The following FRY variants were observed in gnomAD, a reference collection of about 807,000 sequenced individuals.
FRY encodes protein furry homolog.
FRY carries 128 observed loss-of-function variants against 348.4 expected under a neutral mutation model. That is an observed-to-expected ratio of 0.37 (90% CI 0.32 to 0.43). The LOEUF is 0.43. Among genes scored for constraint, FRY ranks in the 20% least tolerant of loss-of-function variants. The pLI is 1.00. For missense variants in FRY, 2,736 were observed against 3,695.2 expected (o/e 0.74, Z 6.73); for synonymous variants, 1,370 against 1,374.7 (o/e 1.00, Z 0.08).
chr13:32,163,875 T>C (rs1248240907), intron 17 of FRY, among the ~76,000 whole-genome samples: 1 of 151,952 alleles, frequency 6.6e-6, no homozygotes, highest in Non-Finnish European at 1.5e-5. Context: ...ATGGATGCTG[T>C]TTTTTGTTTT....
intron 16 of FRY, among the ~76,000 whole-genome samples, chr13:32,159,609 A>G (rs935859444): frequency 6.6e-6 from 1 of 152,228 alleles, no homozygotes; most frequent in Non-Finnish European, 1.5e-5. Flanking sequence ...TGCAGTAGTA[A>G]GAGGAAATCA....
chr13:32,044,256 C>G (rs1872900394), intron 1 of FRY, among the ~76,000 whole-genome samples: 3 of 152,178 alleles, frequency 2.0e-5, no homozygotes, highest in Admixed American at 1.3e-4. Context: ...GTGGAAATAA[C>G]AGTATTTTCC....
chr13:32,289,871 A>G (rs1889245819), intron 59 of FRY, 128 bp downstream of exon 59: 1 of 698,754 alleles, frequency 1.4e-6, no homozygotes, highest in Non-Finnish European at 2.7e-6. Flanking sequence ...CTCAAACACA[A>G]TTCTGAAATA....
chr13:32,043,957 G>A (rs1872879820), intron 1 of FRY, among the ~76,000 whole-genome samples: 1 of 92,702 alleles, frequency 1.1e-5, no homozygotes, highest in East Asian at 2.4e-4. Flanking sequence ...TTCTTCAGGA[G>A]CCTGAAATGG....
intron 41 of FRY, among the ~76,000 whole-genome samples, chr13:32,232,380 C>A (rs1030349341): frequency 1.3e-5 from 2 of 152,132 alleles, no homozygotes; most frequent in Non-Finnish European, 2.9e-5. Context: ...CTGCTTTTGG[C>A]CTGTTTTCTC....
At chr13:32,061,159 G>A (rs1873921931) in intron 1 of FRY, 1 of 533,258 alleles carries the variant, frequency 1.9e-6, no homozygotes, top group African/African-American at 1.9e-5. Context: ...TCATAAAAGG[G>A]CTTGGTAGGT....
intron 11 of FRY, among the ~76,000 whole-genome samples, chr13:32,139,236 T>C (rs1879905374): frequency 6.6e-6 from 1 of 152,174 alleles, no homozygotes; most frequent in Admixed American, 6.5e-5. Context: ...TTCAAAGATA[T>C]ACTTTGTCTT....
chr13:32,096,497 G>A (rs1593607773), intron 2 of FRY, among the ~76,000 whole-genome samples: 1 of 152,212 alleles, frequency 6.6e-6, no homozygotes, highest in East Asian at 1.9e-4. Flanking sequence ...ATATGATTAA[G>A]ACAGTATATT....
At chr13:32,235,427 C>T (rs1249722438) in intron 42 of FRY, among the ~76,000 whole-genome samples, 1 of 152,216 alleles carries the variant, frequency 6.6e-6, no homozygotes, top group Non-Finnish European at 1.5e-5. Flanking sequence ...AGTTCAAGAT[C>T]AGGCTGGCCA....
intron 8 of FRY, 142 bp from the exon 9 acceptor site, chr13:32,134,762 C>A (rs1399755939): frequency 1.4e-6 from 1 of 726,670 alleles, no homozygotes; most frequent in Non-Finnish European, 2.5e-6. Flanking sequence ...ATGTTTGAAT[C>A]CAGTGATTTT....
intron 51 of FRY, among the ~76,000 whole-genome samples, chr13:32,255,989 G>A (rs1156309873): frequency 2.0e-5 from 3 of 152,146 alleles, no homozygotes; most frequent in Non-Finnish European, 2.9e-5. Context: ...TATGTGAAAC[G>A]ACCTAGCAGG....
intron 1 of FRY, among the ~76,000 whole-genome samples, chr13:32,059,574 C>T (rs74044370): frequency 0.011 from 1,708 of 150,806 alleles, 39 homozygotes; most frequent in African/African-American, 0.04. Context: ...TAGGGGTGCA[C>T]GTGCCGTTGT....
At chr13:32,069,106 G>A (rs1433720943) in intron 1 of FRY, among the ~76,000 whole-genome samples, 2 of 151,822 alleles carry the variant, frequency 1.3e-5, no homozygotes, top group South Asian at 2.1e-4. Context: ...TAGTAGAGAC[G>A]GGGTTTCACT....
At chr13:32,221,523 A>G (rs1423298483) in intron 36 of FRY, among the ~76,000 whole-genome samples, 1 of 152,056 alleles carries the variant, frequency 6.6e-6, no homozygotes, top group Non-Finnish European at 1.5e-5. Context: ...TATTTTTATT[A>G]TTGTTTTTGA....
intron 11 of FRY, among the ~76,000 whole-genome samples, chr13:32,141,434 A>G (rs1399632376): frequency 6.6e-6 from 1 of 152,244 alleles, no homozygotes; most frequent in East Asian, 1.9e-4. Flanking sequence ...TTGAAATGGA[A>G]GAGAAAACTG....
intron 57 of FRY, 37 bp from the exon 58 acceptor site, chr13:32,278,428 C>G: frequency 9.4e-7 from 1 of 1,063,402 alleles, no homozygotes; most frequent in Non-Finnish European, 1.5e-6. Context: ...CAGAACATTG[C>G]TGAATTTACC....
intron 35 of FRY, among the ~76,000 whole-genome samples, chr13:32,218,438 T>C (rs1349773782): frequency 6.6e-6 from 1 of 152,174 alleles, no homozygotes; most frequent in African/African-American, 2.4e-5. Context: ...CTCAGCACTC[T>C]GGGAGGCCGA....
At chr13:32,182,801 C>T (rs1198188473) in intron 23 of FRY, among the ~76,000 whole-genome samples, 176 bp from the exon 24 acceptor site, 1 of 152,084 alleles carries the variant, frequency 6.6e-6, no homozygotes, top group African/African-American at 2.4e-5. Flanking sequence ...AAAGTATAGG[C>T]CAATACCTGT....
chr13:32,146,578 C>T (rs1342934024), intron 11 of FRY, among the ~76,000 whole-genome samples: 2 of 152,128 alleles, frequency 1.3e-5, no homozygotes, highest in African/African-American at 4.8e-5. Flanking sequence ...TCGTAATCCA[C>T]CTGCCTCTGC....
Sources: gnomAD v4.1 joint callset for allele counts (sites outside exome capture counted in the v4.1 genomes callset) on GRCh38, gnomAD v4.1.1 for gene constraint, MANE v1.5 for transcripts, NCBI Gene and HGNC (gene_info 2026-07-23, HGNC 2026-07-21) for gene names.